The following NELFA variants were observed in gnomAD, a reference collection of about 807,000 sequenced individuals.
The protein encoded by NELFA is negative elongation factor A.
In NELFA, 35 loss-of-function variants were observed where a neutral mutation model predicts 51.8. That is an observed-to-expected ratio of 0.68 (90% CI 0.52 to 0.90). The LOEUF (loss-of-function observed/expected upper bound fraction) is 0.90. Ranked by LOEUF, NELFA falls within the 40% of genes least tolerant of loss-of-function variation. The probability of loss-of-function intolerance (pLI) is 0.00; values close to 1 mark genes in which losing one functional copy is unlikely to be tolerated. For synonymous variants in NELFA, 417 were observed against 338.4 expected (o/e 1.23, Z -2.55); for missense variants, 658 against 746.4 (o/e 0.88, Z 1.38).
At chr4:2,008,684 G>C in intron 1 of NELFA, 66 bp downstream of exon 1, 4 of 1,534,786 alleles carry the variant, frequency 2.6e-6, no homozygotes, top group Non-Finnish European at 3.5e-6. Context: ...GTCCGGAGTT[G>C]GGTGTGCGGG....
At chr4:1,990,757 G>A (rs761150475) in intron 2 of NELFA, among the ~76,000 whole-genome samples, 1 of 152,224 alleles carries the variant, frequency 6.6e-6, no homozygotes, top group African/African-American at 2.4e-5. Flanking sequence ...AAAAGCACAA[G>A]CATCAAGCAT....
intron 7 of NELFA, among the ~76,000 whole-genome samples, chr4:1,985,507 A>G (rs902439674): frequency 9.9e-5 from 15 of 152,074 alleles, no homozygotes; most frequent in South Asian, 2.1e-4. Context: ...CTGACGGGAC[A>G]CTGAGGCACA....
At chr4:1,992,475 G>C (rs1464548156) in intron 1 of NELFA, 3 of 435,436 alleles carry the variant, frequency 6.9e-6, no homozygotes, top group African/African-American at 4.1e-5. Context: ...GAAACGCAGA[G>C]AGCCAGGCCA....
At chr4:1,986,019 C>G in intron 6 of NELFA, 95 bp downstream of exon 6, 1 of 1,434,218 alleles carries the variant, frequency 7.0e-7, no homozygotes, top group Non-Finnish European at 9.4e-7. Flanking sequence ...TCACGGGGCA[C>G]AGCCCTGCCC....
At chr4:2,003,845 T>TG (rs1234173564) in intron 1 of NELFA, 3 of 151,868 alleles carry the variant, frequency 2.0e-5, no homozygotes, top group African/African-American at 7.3e-5. Flanking sequence ...TCCTTTTTTT[T>TG]TTTTTTTTTT....
chr4:1,994,865 A>T (rs1408886744), intron 1 of NELFA, among the ~76,000 whole-genome samples: 1 of 150,780 alleles, frequency 6.6e-6, no homozygotes, highest in Non-Finnish European at 1.5e-5. Context: ...AAAAAAAAAA[A>T]TTAAAAATAA....
In NELFA at chr4:2,004,961, A is replaced by G. The variant is rs369604135; in HGVS notation, c.210+3789T>C. 8.6e-5 allele frequency among the ~76,000 whole-genome samples: 13 copies of G among 151,174 alleles called. No individual in the cohort carries two copies. The East Asian group carries it at 2.1e-3, about 25-fold the overall frequency. ...GCTGGGACTACAGGCGCCTGCCACC[A>G]TGCCCGGCTAATTTTTTTGTATTTT... On this transcript the variant is annotated intron_variant, in intron 1 of 10. Transcript: ENST00000382882.
chr4:1,986,725 A>G (rs1305291497), intron 4 of NELFA, among the ~76,000 whole-genome samples: 1 of 152,066 alleles, frequency 6.6e-6, no homozygotes, highest in East Asian at 1.9e-4. Context: ...CGGCAGGGGC[A>G]TGAAGCCAGG....
At chr4:2,003,271 C>G (rs377603432) in intron 1 of NELFA, among the ~76,000 whole-genome samples, 5 of 152,196 alleles carry the variant, frequency 3.3e-5, no homozygotes, top group African/African-American at 1.2e-4. Flanking sequence ...GGCTTTTACA[C>G]TTTTGCTGGG....
intron 1 of NELFA, among the ~76,000 whole-genome samples, chr4:1,994,523 C>T (rs1350698972): frequency 6.6e-6 from 1 of 151,592 alleles, no homozygotes; most frequent in Admixed American, 6.6e-5. Flanking sequence ...CAAGATGGCG[C>T]CACTGTACTC....
At chr4:2,001,191 T>G (rs1483666511) in intron 1 of NELFA, among the ~76,000 whole-genome samples, 1 of 152,208 alleles carries the variant, frequency 6.6e-6, no homozygotes, top group Non-Finnish European at 1.5e-5. Flanking sequence ...AATACCATAT[T>G]GAATGGGCAA....
At chr4:1,991,098 C>G (rs1728256085) in intron 2 of NELFA, among the ~76,000 whole-genome samples, 1 of 152,218 alleles carries the variant, frequency 6.6e-6, no homozygotes. Context: ...GGAGCCCAGC[C>G]TTGTGAATAT....
At position 2,002,609 on chromosome 4, in the gene NELFA, C is replaced by T. The variant is rs545663669; in HGVS notation, c.210+6141G>A. ...CTACCAGCATCTGATCTTTGACAAACCTGACAAAAACAAGCGATGGGGAAA... is the reference window on the plus strand; with the variant it reads ...CTACCAGCATCTGATCTTTGACAAATCTGACAAAAACAAGCGATGGGGAAA... On this transcript the variant is annotated intron_variant, in intron 1 of 10. Transcript: ENST00000382882. Among the ~76,000 whole-genome samples, 6 of 152,210 alleles carry T rather than the reference C, an allele frequency of 3.9e-5. No homozygotes were observed. In the East Asian group the frequency reaches 1.2e-3, roughly 29 times the overall value.
At position 1,986,296 on chromosome 4, in the gene NELFA, C is replaced by A; in HGVS notation, c.741G>T (p.Leu247=). 1 of 1,587,444 alleles carries A rather than the reference C, an allele frequency of 6.3e-7. No homozygotes were observed. The highest frequency in any genetic ancestry group is 1.1e-5 in the South Asian group (1 of 87,426). ...CCTTCACACCTCGTTCCTTCCGCAG[C>A]AGCGTCCTGGAAGGCGGGATGGGGG... is the stretch of plus-strand genomic sequence containing the variant. ...NRTPIPPSRT[L]LRKERGVKLL... Residue 247 remains leucine, a synonymous_variant, in exon 5 of 11, where the codon CTG becomes CTT. Coordinates refer to ENST00000382882, the MANE Select transcript of NELFA (RefSeq NM_005663.5).
intron 4 of NELFA, 116 bp downstream of exon 4, chr4:1,987,802 C>T: frequency 1.1e-6 from 1 of 886,530 alleles, no homozygotes; most frequent in East Asian, 2.8e-5. Flanking sequence ...GCTCCCAACA[C>T]TGCTGCCTGA....
intron 2 of NELFA, among the ~76,000 whole-genome samples, chr4:1,990,259 C>T (rs1390588468): frequency 1.3e-5 from 2 of 152,156 alleles, no homozygotes; most frequent in African/African-American, 4.8e-5. Context: ...TTCCCGTCCC[C>T]GAGGGTAGCC....
intron 1 of NELFA, 28 bp downstream of exon 1, chr4:2,008,722 G>C (rs775240156): frequency 6.3e-7 from 1 of 1,581,346 alleles, no homozygotes; most frequent in Admixed American, 1.8e-5. Flanking sequence ...GGGAATCTGG[G>C]GGCCGCGGGG....
chr4:2,005,968 A>T (rs567244466), intron 1 of NELFA, among the ~76,000 whole-genome samples: 1 of 152,334 alleles, frequency 6.6e-6, no homozygotes, highest in African/African-American at 2.4e-5. Context: ...CCCAGCAGGC[A>T]GGCTCTACGT....
rs1430385417 is a variant in NELFA, at chr4:1,989,205, C to T, written c.544+503G>A. Among the ~76,000 whole-genome samples, 1 of 152,212 alleles carries T rather than the reference C, an allele frequency of 6.6e-6. No individual in the cohort carries two copies. Among genetic ancestry groups the T allele is most frequent in the Non-Finnish European group, 1.5e-5 (1 of 68,034 alleles). On this transcript the variant is annotated intron_variant, in intron 3 of 10. Coordinates refer to ENST00000382882, the MANE Select transcript of NELFA (RefSeq NM_005663.5). The surrounding 1 kb of genome is among the most constrained non-coding windows in gnomAD (Gnocchi z 4.8). ...AGGTGATCTGCTGGCCTCAGCCTCC[C>T]AAAGTGCTGGGTTTACAGGTGTGAG...
Sources: gnomAD v4.1 joint callset for allele counts (sites outside exome capture counted in the v4.1 genomes callset) on GRCh38, gnomAD v4.1.1 for gene constraint, Gnocchi (gnomAD v3.1) non-coding constraint, MANE v1.5 for transcripts, NCBI Gene and HGNC (gene_info 2026-07-23, HGNC 2026-07-21) for gene names.